VEPH1: variants seen among roughly 807,000 people sequenced by gnomAD.
VEPH1 encodes ventricular zone expressed PH domain containing 1, also known as ventricular zone-expressed PH domain-containing protein homolog 1.
In VEPH1, 80 loss-of-function variants were observed where a neutral mutation model predicts 85.2. That is an observed-to-expected ratio of 0.94 (90% confidence interval 0.78 to 1.13). The LOEUF (loss-of-function observed/expected upper bound fraction) is 1.13. Among genes scored for constraint, VEPH1 ranks in the 50% most tolerant of loss-of-function variants. VEPH1 has a pLI of 0.00. For synonymous variants in VEPH1, 297 were observed against 348.0 expected, an observed-to-expected ratio of 0.85 and a Z score of 1.63; for missense variants, 955 against 980.5, an observed-to-expected ratio of 0.97 and a Z score of 0.35.
At chr3:157,436,938 A>G (rs775311371) in intron 4 of VEPH1, 20 of 1,613,476 alleles carry the variant, frequency 1.2e-5, no homozygotes, top group Non-Finnish European at 1.5e-5. Context: ...CCAGCAATGC[A>G]TCTCCTTGCG....
chr3:157,281,116 G>C (rs77790558), intron 12 of VEPH1, among the ~76,000 whole-genome samples: 1 of 146,446 alleles, frequency 6.8e-6, no homozygotes, highest in Admixed American at 6.8e-5. Context: ...GAGAGAGAGA[G>C]AGACAGAGAA....
intron 2 of VEPH1, among the ~76,000 whole-genome samples, chr3:157,486,170 A>G (rs974244747): frequency 2.0e-5 from 3 of 152,160 alleles, no homozygotes; most frequent in Non-Finnish European, 4.4e-5. Flanking sequence ...ATTAGAGAAT[A>G]CACATTCCTT....
intron 12 of VEPH1, among the ~76,000 whole-genome samples, chr3:157,273,507 AG>A (rs1714979611): frequency 6.6e-6 from 1 of 152,206 alleles, no homozygotes; most frequent in African/African-American, 2.4e-5. Context: ...ATGAAGGCAA[AG>A]GAAGGAAGGT....
intron 7 of VEPH1, among the ~76,000 whole-genome samples, chr3:157,378,310 A>G (rs1431412856): frequency 0.016 from 18 of 1,096 alleles, no homozygotes; most frequent in Non-Finnish European, 0.022. Flanking sequence ...TGAATGGTAT[A>G]TATATATATA....
intron 2 of VEPH1, among the ~76,000 whole-genome samples, chr3:157,479,008 C>T (rs1260799303): frequency 6.6e-6 from 1 of 152,094 alleles, no homozygotes; most frequent in African/African-American, 2.4e-5. Context: ...TAACTGCTTC[C>T]TTTAACAAAT....
chr3:157,453,217 T>C (rs73158514), intron 4 of VEPH1, among the ~76,000 whole-genome samples: 3,762 of 152,260 alleles, frequency 0.025, 69 homozygotes, highest in Non-Finnish European at 0.037. Flanking sequence ...TGGGACACCA[T>C]TGAGCCCTGA....
intron 6 of VEPH1, among the ~76,000 whole-genome samples, chr3:157,399,674 T>C (rs879679163): frequency 7.2e-5 from 11 of 152,154 alleles, no homozygotes; most frequent in Non-Finnish European, 1.5e-4. Context: ...AAATGCTATT[T>C]TAGCCTTAAA....
chr3:157,393,807 C>T (rs915494180), intron 6 of VEPH1, among the ~76,000 whole-genome samples: 6 of 152,200 alleles, frequency 3.9e-5, no homozygotes, highest in African/African-American at 1.4e-4. Flanking sequence ...GGTCATCACT[C>T]TGGAGGAGGT....
chr3:157,452,070 T>C (rs1025473195), intron 4 of VEPH1, among the ~76,000 whole-genome samples: 4 of 152,150 alleles, frequency 2.6e-5, no homozygotes, highest in Non-Finnish European at 5.9e-5. Flanking sequence ...AAAGATGTGA[T>C]TGTGTGATTG....
chr3:157,398,497 G>A (rs1730583744), intron 6 of VEPH1, among the ~76,000 whole-genome samples: 2 of 152,116 alleles, frequency 1.3e-5, no homozygotes, highest in African/African-American at 2.4e-5. Flanking sequence ...AGCTGGGCAT[G>A]GTGGTGCGCA....
chr3:157,421,930 C>T (rs1732373919), intron 5 of VEPH1, among the ~76,000 whole-genome samples: 1 of 152,184 alleles, frequency 6.6e-6, no homozygotes, highest in Non-Finnish European at 1.5e-5. Context: ...GATCCACACT[C>T]AGCACCCACA....
intron 5 of VEPH1, among the ~76,000 whole-genome samples, chr3:157,417,806 A>G (rs7639767): frequency 0.072 from 10,959 of 152,258 alleles, 602 homozygotes; most frequent in South Asian, 0.22. Context: ...CAGCTGCTAT[A>G]TAAAATGTTC....
chr3:157,318,589 A>G (rs1056629242), intron 9 of VEPH1, among the ~76,000 whole-genome samples: 33 of 151,916 alleles, frequency 2.2e-4, no homozygotes, highest in Non-Finnish European at 4.7e-4. Context: ...CCTGGGCAAC[A>G]GAGAAATACT....
rs957806490 is a variant in VEPH1, at chr3:157,419,328, G to A, written c.697-5238C>T. ...TTGCAACAAAAGCAAAAGACAAATG[G>A]GATCTAATTAAAGAGCTTCTGCACA... On this transcript the variant is annotated intron_variant, in intron 5 of 13. Transcript: ENST00000362010. Among the ~76,000 whole-genome samples, 10 of 152,106 alleles carry A rather than the reference G, an allele frequency of 6.6e-5. 1 individual carries two copies. Among genetic ancestry groups the A allele is most frequent in the African/African-American group, 1.9e-4 (8 of 41,526 alleles).
At chr3:157,288,177 G>C (rs75994089) in intron 11 of VEPH1, among the ~76,000 whole-genome samples, 7 of 152,148 alleles carry the variant, frequency 4.6e-5, no homozygotes, top group African/African-American at 1.7e-4. Flanking sequence ...TTCTTAAAAG[G>C]CTCCTCCTCC....
chr3:157,270,933 T>G (rs1714463874), intron 12 of VEPH1, among the ~76,000 whole-genome samples: 1 of 151,734 alleles, frequency 6.6e-6, no homozygotes, highest in Non-Finnish European at 1.5e-5. Context: ...ACATGAGAGC[T>G]GGGACCCTCA....
intron 9 of VEPH1, among the ~76,000 whole-genome samples, chr3:157,340,807 G>T (rs1204038899): frequency 6.6e-6 from 1 of 152,162 alleles, no homozygotes; most frequent in Non-Finnish European, 1.5e-5. Context: ...ACACGGCCGG[G>T]TACCCCTCTG....
intron 4 of VEPH1, chr3:157,438,037 GCACACACACACACACACACACACA>G: frequency 1.9e-6 from 1 of 514,744 alleles, no homozygotes; most frequent in Non-Finnish European, 3.2e-6. Context: ...GCGCGCGCGC[GCACACACACACACACACACACACA>G]CACACACACA....
intron 12 of VEPH1, among the ~76,000 whole-genome samples, chr3:157,274,562 A>G (rs1266189061): frequency 6.6e-6 from 1 of 152,124 alleles, no homozygotes; most frequent in African/African-American, 2.4e-5. Flanking sequence ...CAGTGGCTTG[A>G]TCATAGCTTA....
Sources: gnomAD v4.1 joint callset for allele counts (sites outside exome capture counted in the v4.1 genomes callset) on GRCh38, gnomAD v4.1.1 for gene constraint, MANE v1.5 for transcripts, NCBI Gene and HGNC (gene_info 2026-07-23, HGNC 2026-07-21) for gene names.